Variants in GRIN2A observed in about 807,000 individuals in gnomAD.
GRIN2A encodes the protein glutamate ionotropic receptor NMDA type subunit 2A, also known as glutamate receptor ionotropic, NMDA 2A.
Under a neutral mutation model 113.4 loss-of-function variants are expected in GRIN2A, and 22 were observed. That is an observed-to-expected ratio of 0.19 (90% CI 0.14 to 0.28). The LOEUF (loss-of-function observed/expected upper bound fraction) is 0.28, where lower values mean the gene tolerates loss of function less well. Ranked by LOEUF, GRIN2A falls within the 10% of genes least tolerant of loss-of-function variation. GRIN2A has a pLI of 1.00. For synonymous variants in GRIN2A, 827 were observed against 738.4 expected (o/e 1.12, Z -1.94); for missense variants, 1,502 against 1,887.0 (o/e 0.80, Z 3.78).
At chr16:9,816,533 A>C (rs1476047679) in intron 10 of GRIN2A, among the ~76,000 whole-genome samples, 1 of 152,216 alleles carries the variant, frequency 6.6e-6, no homozygotes, top group Non-Finnish European at 1.5e-5. Flanking sequence ...TGTGTCTTGA[A>C]ATATTAGGCT....
chr16:9,786,944 C>T (rs1359834256), intron 11 of GRIN2A, among the ~76,000 whole-genome samples: 1 of 152,208 alleles, frequency 6.6e-6, no homozygotes, highest in East Asian at 1.9e-4. Flanking sequence ...TCACATCCTA[C>T]AGACAATAAA....
At chr16:9,840,193 G>T (rs1264830514) in intron 7 of GRIN2A, among the ~76,000 whole-genome samples, 1 of 152,120 alleles carries the variant, frequency 6.6e-6, no homozygotes, top group Non-Finnish European at 1.5e-5. Flanking sequence ...CCACATGGCT[G>T]GGGAGTCCCC....
intron 11 of GRIN2A, among the ~76,000 whole-genome samples, chr16:9,787,971 G>T (rs1902333202): frequency 6.6e-6 from 1 of 152,212 alleles, no homozygotes; most frequent in Admixed American, 6.5e-5. Context: ...CATCTCCAAG[G>T]CAGGAGTGAG....
intron 2 of GRIN2A, among the ~76,000 whole-genome samples, chr16:10,138,087 G>C (rs2049240157): frequency 6.6e-6 from 1 of 152,206 alleles, no homozygotes; most frequent in Non-Finnish European, 1.5e-5. Context: ...TCATCACCAA[G>C]GTGGGCATGG....
At chr16:9,985,669 G>C (rs190736849) in intron 2 of GRIN2A, among the ~76,000 whole-genome samples, 50 of 152,258 alleles carry the variant, frequency 3.3e-4, no homozygotes, top group Admixed American at 3.1e-3. Context: ...CATGGAGGTA[G>C]AGAGTAGAGT....
chr16:9,807,439 G>C (rs936667870), intron 10 of GRIN2A, among the ~76,000 whole-genome samples: 2 of 150,218 alleles, frequency 1.3e-5, no homozygotes, highest in African/African-American at 4.9e-5. Context: ...AAGAGAGACA[G>C]AGACAGAGAG....
At chr16:9,856,132 G>C (rs2042962906) in intron 4 of GRIN2A, among the ~76,000 whole-genome samples, 1 of 152,114 alleles carries the variant, frequency 6.6e-6, no homozygotes, top group African/African-American at 2.4e-5. Flanking sequence ...GTAGGACATA[G>C]ATAACTATAA....
chr16:10,157,230 A>T (rs2142312797), intron 2 of GRIN2A, among the ~76,000 whole-genome samples: 1 of 152,262 alleles, frequency 6.6e-6, no homozygotes, highest in Non-Finnish European at 1.5e-5. Flanking sequence ...AATGGAAAAC[A>T]CCAGAGGGCC....
At chr16:10,158,224 C>G (rs891829490) in intron 2 of GRIN2A, among the ~76,000 whole-genome samples, 2 of 152,148 alleles carry the variant, frequency 1.3e-5, no homozygotes, top group African/African-American at 4.8e-5. Flanking sequence ...AGGCTAGTCC[C>G]AGACTCCTGG....
chr16:9,860,404 C>T (rs2043045040), intron 4 of GRIN2A, among the ~76,000 whole-genome samples: 1 of 135,586 alleles, frequency 7.4e-6, no homozygotes. Flanking sequence ...GCTGAGATTG[C>T]ACCACTGCAC....
At chr16:10,067,487 A>C (rs1439797685) in intron 2 of GRIN2A, among the ~76,000 whole-genome samples, 1 of 152,244 alleles carries the variant, frequency 6.6e-6, no homozygotes, top group African/African-American at 2.4e-5. Flanking sequence ...CACGAACATC[A>C]GGACATGGGG....
intron 4 of GRIN2A, among the ~76,000 whole-genome samples, chr16:9,867,211 A>T (rs1340958044): frequency 6.6e-6 from 1 of 152,192 alleles, no homozygotes; most frequent in Non-Finnish European, 1.5e-5. Flanking sequence ...GTACAGGTGG[A>T]GAATATCATA....
intron 2 of GRIN2A, among the ~76,000 whole-genome samples, chr16:10,110,231 A>C (rs1338960351): frequency 1.3e-5 from 2 of 152,200 alleles, no homozygotes; most frequent in Non-Finnish European, 1.5e-5. Flanking sequence ...GGTAAGAAAG[A>C]GCTTGGCAAA....
chr16:10,039,355 A>C (rs1227055202), intron 2 of GRIN2A, among the ~76,000 whole-genome samples: 2 of 152,204 alleles, frequency 1.3e-5, no homozygotes, highest in Non-Finnish European at 2.9e-5. Context: ...CCAAACCTGC[A>C]CCAAAAACCT....
rs1375527432 is a variant in GRIN2A at position 10,155,437 on chromosome 16, C to T, written c.414+24561G>A. Among the ~76,000 whole-genome samples, 3 of 152,330 alleles carry T rather than the reference C, an allele frequency of 2.0e-5. No homozygotes were observed. In the South Asian group the frequency reaches 6.2e-4, roughly 32 times the overall value. ...TGTGTCCCTCAGCAAGTCCCTGAGC[C>T]TCTCTGAGCCTCATATTTCACATCT... On this transcript the variant is annotated intron_variant, in intron 2 of 12. Coordinates refer to ENST00000330684, the MANE Select transcript of GRIN2A (RefSeq NM_001134407.3).
intron 2 of GRIN2A, among the ~76,000 whole-genome samples, chr16:9,964,609 C>G (rs1057056492): frequency 6.6e-6 from 1 of 152,216 alleles, no homozygotes; most frequent in Non-Finnish European, 1.5e-5. Context: ...GACTTTTCCA[C>G]CTTTCAGAGG....
rs564796496 is a variant in GRIN2A, at chr16:10,033,037, C to T, written c.415-94486G>A. 3.3e-5 allele frequency among the ~76,000 whole-genome samples: 5 copies of T among 152,302 alleles called. No homozygotes were observed. In the East Asian group the frequency reaches 9.7e-4, roughly 29 times the overall value. ...CACAGGTGCCCCAGCTGGTTTGCAC[C>T]TGTGGGCAAAGTTTGCCCTGCATTC... On this transcript the variant is annotated intron_variant, in intron 2 of 12. Transcript: ENST00000330684.
chr16:9,934,667 G>A (rs373019562), intron 3 of GRIN2A, among the ~76,000 whole-genome samples: 10 of 103,790 alleles, frequency 9.6e-5, no homozygotes, highest in African/African-American at 2.4e-4. Flanking sequence ...GAGACAGAGC[G>A]AGACTCTGTC....
intron 3 of GRIN2A, among the ~76,000 whole-genome samples, chr16:9,924,127 A>AC (rs1215856785): frequency 7.3e-5 from 11 of 150,778 alleles, no homozygotes; most frequent in African/African-American, 2.7e-4. Flanking sequence ...AAAAAAAAAA[A>AC]AAAAAAAAAA....
Sources: gnomAD v4.1 joint callset for allele counts (sites outside exome capture counted in the v4.1 genomes callset) on GRCh38, gnomAD v4.1.1 for gene constraint, MANE v1.5 for transcripts, NCBI Gene and HGNC (gene_info 2026-07-23, HGNC 2026-07-21) for gene names.